KSR2: variants seen among roughly 807,000 people sequenced by gnomAD.
The protein encoded by KSR2 is kinase suppressor of ras 2.
A neutral mutation model predicts 107.8 loss-of-function variants in KSR2; 25 were observed. The ratio of observed to expected loss-of-function variants is 0.23; its 90% CI spans 0.17 to 0.32. The LOEUF (loss-of-function observed/expected upper bound fraction) is 0.32, where lower values mean the gene tolerates loss of function less well. KSR2 is among the 10% of genes least tolerant of loss of function. The pLI, the probability that KSR2 is intolerant of heterozygous loss-of-function variation, is 1.00. For missense variants in KSR2, 887 were observed against 1,268.9 expected (o/e 0.70, Z 4.57); for synonymous variants, 480 against 507.0 (o/e 0.95, Z 0.71).
chr12:117,669,123 C>A (rs1884794053), intron 4 of KSR2, among the ~76,000 whole-genome samples: 1 of 152,160 alleles, frequency 6.6e-6, no homozygotes, highest in Non-Finnish European at 1.5e-5. Flanking sequence ...CTTCTGCCTA[C>A]AACATGGTAC....
intron 1 of KSR2, among the ~76,000 whole-genome samples, chr12:117,966,611 T>TCTCACACACACACA (rs1555262158): frequency 2.6e-5 from 2 of 77,164 alleles, no homozygotes; most frequent in African/African-American, 9.9e-5. Flanking sequence ...TCTCTCTCTC[T>TCTCACACACACACA]CACACGCGCA....
intron 4 of KSR2, among the ~76,000 whole-genome samples, chr12:117,753,033 C>A (rs1888662671): frequency 6.6e-6 from 1 of 152,176 alleles, no homozygotes; most frequent in Non-Finnish European, 1.5e-5. Flanking sequence ...GGAATCAGTG[C>A]CTGTTTACCT....
At chr12:117,803,477 C>T (rs961214922) in intron 3 of KSR2, among the ~76,000 whole-genome samples, 6 of 151,994 alleles carry the variant, frequency 3.9e-5, no homozygotes, top group African/African-American at 7.2e-5. Flanking sequence ...CCGAGGCGGG[C>T]GGATCACGAG....
At chr12:117,555,898 G>A (rs542374415) in intron 8 of KSR2, among the ~76,000 whole-genome samples, 10 of 152,260 alleles carry the variant, frequency 6.6e-5, no homozygotes, top group African/African-American at 2.4e-4. Flanking sequence ...ACACAGCAAG[G>A]GGCAAAAATG....
intron 4 of KSR2, among the ~76,000 whole-genome samples, chr12:117,733,271 T>G (rs1351255846): frequency 3.3e-5 from 5 of 152,244 alleles, no homozygotes; most frequent in Admixed American, 3.3e-4. Flanking sequence ...ACATGCATGC[T>G]ATAGTCCAGC....
At chr12:117,592,352 G>A (rs1880376276) in intron 5 of KSR2, among the ~76,000 whole-genome samples, 1 of 152,038 alleles carries the variant, frequency 6.6e-6, no homozygotes, top group Non-Finnish European at 1.5e-5. Context: ...GACCTCAGGT[G>A]ATCCTCCCAC....
chr12:117,480,655 C>G (rs1872122294), intron 16 of KSR2, among the ~76,000 whole-genome samples: 1 of 152,074 alleles, frequency 6.6e-6, no homozygotes, highest in African/African-American at 2.4e-5. Flanking sequence ...CAAGCTCTAA[C>G]TGAGGGGAGG....
chr12:117,672,217 T>C (rs151081454), intron 4 of KSR2, among the ~76,000 whole-genome samples: 276 of 152,316 alleles, frequency 1.8e-3, no homozygotes, highest in African/African-American at 6.3e-3. Flanking sequence ...GAAACATCCA[T>C]ACACGGACAC....
At chr12:117,720,486 T>A (rs1017558237) in intron 4 of KSR2, among the ~76,000 whole-genome samples, 4 of 152,238 alleles carry the variant, frequency 2.6e-5, no homozygotes, top group Non-Finnish European at 4.4e-5. Flanking sequence ...AAAAAGGAAT[T>A]GTTTAAAGTA....
chr12:117,827,240 A>C (rs1891794064), intron 3 of KSR2, among the ~76,000 whole-genome samples: 1 of 152,172 alleles, frequency 6.6e-6, no homozygotes, highest in African/African-American at 2.4e-5. Flanking sequence ...GAAAGACTGG[A>C]CTTGGGTGAT....
intron 1 of KSR2, among the ~76,000 whole-genome samples, chr12:117,892,478 AC>A (rs1368141301): frequency 6.6e-6 from 1 of 151,690 alleles, no homozygotes; most frequent in Non-Finnish European, 1.5e-5. Context: ...TTCCATCTTC[AC>A]AGGCCAATTT....
chr12:117,593,369 C>G (rs1880436586), intron 5 of KSR2, among the ~76,000 whole-genome samples: 1 of 152,178 alleles, frequency 6.6e-6, no homozygotes. Flanking sequence ...ACAGAAACAG[C>G]AGTAGCTTGA....
chr12:117,624,344 T>G (rs1882353894), intron 5 of KSR2, among the ~76,000 whole-genome samples: 1 of 152,222 alleles, frequency 6.6e-6, no homozygotes, highest in Non-Finnish European at 1.5e-5. Context: ...CTTCTAGGGT[T>G]TTTATGGTTT....
chr12:117,674,613 T>G (rs1885049199), intron 4 of KSR2, among the ~76,000 whole-genome samples: 1 of 152,204 alleles, frequency 6.6e-6, no homozygotes, highest in Admixed American at 6.5e-5. Context: ...GATGTGGCCT[T>G]TTGTGTCTGG....
intron 17 of KSR2, among the ~76,000 whole-genome samples, chr12:117,475,161 C>T (rs1056295766): frequency 6.6e-6 from 1 of 152,186 alleles, no homozygotes; most frequent in Non-Finnish European, 1.5e-5. Context: ...CCAGAGTGAT[C>T]TGATTGATCT....
chr12:117,882,250 G>T (rs1894049546), intron 1 of KSR2, among the ~76,000 whole-genome samples: 1 of 152,120 alleles, frequency 6.6e-6, no homozygotes, highest in Non-Finnish European at 1.5e-5. Flanking sequence ...ATGGTTTCTG[G>T]GAAAGACAAT....
intron 4 of KSR2, among the ~76,000 whole-genome samples, chr12:117,710,612 G>A (rs960280075): frequency 6.6e-6 from 1 of 152,116 alleles, no homozygotes; most frequent in Non-Finnish European, 1.5e-5. Flanking sequence ...GTGGGGTTTT[G>A]GGCATGCAAG....
chr12:117,672,423 CA>C (rs985921442), intron 4 of KSR2, among the ~76,000 whole-genome samples: 3 of 152,124 alleles, frequency 2.0e-5, no homozygotes, highest in African/African-American at 7.2e-5. Flanking sequence ...AGAATACTAA[CA>C]CCAATCTCAG....
chr12:117,603,492 G>T (rs990299704), intron 5 of KSR2, among the ~76,000 whole-genome samples: 9 of 152,142 alleles, frequency 5.9e-5, no homozygotes, highest in Non-Finnish European at 1.2e-4. Flanking sequence ...CGCCCTTCCT[G>T]TCTGGCCTGG....
Sources: allele counts gnomAD v4.1 joint callset (sites outside exome capture counted in the v4.1 genomes callset), GRCh38; gene constraint gnomAD v4.1.1; transcripts MANE v1.5; gene names NCBI Gene and HGNC (gene_info 2026-07-23, HGNC 2026-07-21).